DCBLD2: variants seen among roughly 807,000 people sequenced by gnomAD.
The protein encoded by DCBLD2 is discoidin, CUB and LCCL domain containing 2.
DCBLD2 carries 54 observed loss-of-function variants against 86.8 expected under a neutral mutation model. That is an observed-to-expected ratio of 0.62 (90% CI 0.50 to 0.78). DCBLD2 has a LOEUF of 0.78. Ranked by LOEUF, DCBLD2 falls within the 30% of genes least tolerant of loss-of-function variation. DCBLD2 has a pLI of 0.00. For missense variants in DCBLD2, 908 were observed against 954.2 expected (o/e 0.95, Z 0.64); for synonymous variants, 354 against 341.3 (o/e 1.04, Z -0.41).
At chr3:98,868,481 G>A (rs1161629722) in intron 2 of DCBLD2, among the ~76,000 whole-genome samples, 1 of 152,064 alleles carries the variant, frequency 6.6e-6, no homozygotes, top group Non-Finnish European at 1.5e-5. Flanking sequence ...ATTTTCAATA[G>A]CTTTAGGGGT....
intron 2 of DCBLD2, among the ~76,000 whole-genome samples, chr3:98,876,515 A>G (rs1177943718): frequency 6.6e-6 from 1 of 151,272 alleles, no homozygotes; most frequent in Non-Finnish European, 1.5e-5. Context: ...AACTATACTG[A>G]GCACTATTTA....
chr3:98,813,057 AC>A (rs1221942732), intron 9 of DCBLD2: 1 of 152,198 alleles, frequency 6.6e-6, no homozygotes, highest in Admixed American at 6.5e-5. Flanking sequence ...TGCTATTTAA[AC>A]TAGAAGTGAC....
chr3:98,833,159 C>T (rs780882350), intron 3 of DCBLD2, among the ~76,000 whole-genome samples: 3 of 152,078 alleles, frequency 2.0e-5, no homozygotes, highest in Non-Finnish European at 4.4e-5. Context: ...TTTTGTCTGA[C>T]TCTCTTATTT....
chr3:98,826,940 A>C (rs1176454372), intron 3 of DCBLD2, among the ~76,000 whole-genome samples: 1 of 152,198 alleles, frequency 6.6e-6, no homozygotes, highest in African/African-American at 2.4e-5. Flanking sequence ...TTGTTAAATT[A>C]ATGGTTACCA....
chr3:98,821,639 T>C (rs9838706), intron 6 of DCBLD2, among the ~76,000 whole-genome samples: 7,874 of 152,242 alleles, frequency 0.052, 210 homozygotes, highest in Middle Eastern at 0.068. Context: ...GACTCTTATG[T>C]AGACTTTTTT....
At chr3:98,864,860 A>C (rs1943114906) in intron 2 of DCBLD2, among the ~76,000 whole-genome samples, 1 of 151,840 alleles carries the variant, frequency 6.6e-6, no homozygotes. Flanking sequence ...TAATAAAAAA[A>C]GAAAAAATGT....
At chr3:98,810,932 T>TAAGGA (rs1941927342) in intron 12 of DCBLD2, among the ~76,000 whole-genome samples, 1 of 152,114 alleles carries the variant, frequency 6.6e-6, no homozygotes, top group Non-Finnish European at 1.5e-5. Flanking sequence ...TGTTTAGCTG[T>TAAGGA]AAGGAACAAT....
chr3:98,896,337 T>C (rs1943749636), intron 1 of DCBLD2, among the ~76,000 whole-genome samples: 1 of 152,208 alleles, frequency 6.6e-6, no homozygotes, highest in African/African-American at 2.4e-5. Context: ...TAAACTAACA[T>C]TTTGAACTGA....
At chr3:98,870,656 A>AAG (rs71124007) in intron 2 of DCBLD2, among the ~76,000 whole-genome samples, 4,192 of 134,204 alleles carry the variant, frequency 0.031, 145 homozygotes, top group Middle Eastern at 0.051. Flanking sequence ...GAGATAGAGA[A>AAG]AGAGAGAGAG....
intron 2 of DCBLD2, among the ~76,000 whole-genome samples, chr3:98,876,820 T>C (rs952930911): frequency 7.9e-5 from 12 of 152,230 alleles, no homozygotes; most frequent in African/African-American, 2.9e-4. Context: ...GATGGAGTTC[T>C]ATACTGCTAT....
At chr3:98,866,711 T>C (rs1438596868) in intron 2 of DCBLD2, among the ~76,000 whole-genome samples, 1 of 152,174 alleles carries the variant, frequency 6.6e-6, no homozygotes, top group African/African-American at 2.4e-5. Flanking sequence ...TTTAGTTTAA[T>C]TAGATCCCAT....
chr3:98,869,278 T>C (rs563255933), intron 2 of DCBLD2, among the ~76,000 whole-genome samples: 3 of 152,360 alleles, frequency 2.0e-5, no homozygotes, highest in African/African-American at 7.2e-5. Flanking sequence ...TTCATGTTGT[T>C]TGTCTACTTT....
At chr3:98,838,072 G>A (rs1472703323) in intron 3 of DCBLD2, among the ~76,000 whole-genome samples, 25 of 134,402 alleles carry the variant, frequency 1.9e-4, no homozygotes, top group African/African-American at 4.1e-4. Context: ...CCTCCCGGAC[G>A]GCACGGCTGG....
intron 1 of DCBLD2, among the ~76,000 whole-genome samples, chr3:98,896,235 T>C (rs770749184): frequency 6.6e-6 from 1 of 152,264 alleles, no homozygotes; most frequent in South Asian, 2.1e-4. Flanking sequence ...CATTAGATAC[T>C]AGTTTATTTG....
intron 10 of DCBLD2, among the ~76,000 whole-genome samples, 200 bp downstream of exon 10, chr3:98,812,132 A>G (rs1394947604): frequency 6.7e-6 from 1 of 149,458 alleles, no homozygotes; most frequent in Admixed American, 6.7e-5. Flanking sequence ...TTCTTCTTCC[A>G]CTTATAATTT....
chr3:98,859,522 C>T (rs1299973813), intron 2 of DCBLD2, among the ~76,000 whole-genome samples: 5 of 152,152 alleles, frequency 3.3e-5, no homozygotes, highest in Admixed American at 1.3e-4. Flanking sequence ...GCCTCTGAGA[C>T]GAAGCTTCCA....
At chr3:98,866,432 G>C (rs1039209514) in intron 2 of DCBLD2, among the ~76,000 whole-genome samples, 5 of 152,120 alleles carry the variant, frequency 3.3e-5, no homozygotes, top group African/African-American at 1.2e-4. Flanking sequence ...TCTCATTGTG[G>C]TTTTGATTTG....
At chr3:98,881,896 AT>A (rs938919744) in intron 1 of DCBLD2, 129 bp from the exon 2 acceptor site, 150 of 890,566 alleles carry the variant, frequency 1.7e-4, no homozygotes, top group East Asian at 4.0e-4. Flanking sequence ...TTTCTATTTT[AT>A]TTTTTTTAAT....
chr3:98,854,297 C>T (rs1331698824), intron 2 of DCBLD2, among the ~76,000 whole-genome samples: 6 of 152,098 alleles, frequency 3.9e-5, no homozygotes, highest in African/African-American at 1.4e-4. Flanking sequence ...GCTTTGAGGA[C>T]CATTGTCTTA....
Sources: allele counts gnomAD v4.1 joint callset (sites outside exome capture counted in the v4.1 genomes callset), GRCh38; gene constraint gnomAD v4.1.1; transcripts MANE v1.5; gene names NCBI Gene and HGNC (gene_info 2026-07-23, HGNC 2026-07-21).